The following NONO variants were observed in gnomAD, a reference collection of about 807,000 sequenced individuals.
The protein encoded by NONO is non-POU domain-containing octamer-binding protein.
A neutral mutation model predicts 40.2 loss-of-function variants in NONO; 6 were observed. That is an observed-to-expected ratio of 0.15 (90% CI 0.08 to 0.29). The LOEUF (loss-of-function observed/expected upper bound fraction) is 0.29. Ranked by LOEUF, NONO falls within the 10% of genes least tolerant of loss-of-function variation. NONO has a pLI of 1.00. For synonymous variants in NONO, 89 were observed against 123.3 expected (o/e 0.72, Z 1.85); for missense variants, 133 against 397.8 (o/e 0.33, Z 5.66).
At chrX:71,286,011 G>A (rs2031180401) in intron 2 of NONO, among the ~76,000 whole-genome samples, 1 of 111,711 alleles carries the variant, frequency 9.0e-6, no homozygotes, top group Admixed American at 9.5e-5. Flanking sequence ...TGACTAGAAG[G>A]ATATACCAAC....
intron 9 of NONO, 25 bp from the exon 10 acceptor site, chrX:71,298,444 G>A (rs2031500737): frequency 3.0e-5 from 36 of 1,196,540 alleles, no homozygotes; most frequent in Non-Finnish European, 4.0e-5. Flanking sequence ...GTCTTGGACT[G>A]TCTTGAGTAT....
chrX:71,286,438 A>G (rs1210661635), intron 2 of NONO, among the ~76,000 whole-genome samples: 2 of 111,679 alleles, frequency 1.8e-5, no homozygotes, highest in African/African-American at 6.5e-5. Flanking sequence ...TCACTAATCC[A>G]CTGTAACCAT....
At chrX:71,292,762 G>A (rs981659725) in intron 4 of NONO, 1 of 111,942 alleles carries the variant, frequency 8.9e-6, no homozygotes, top group Non-Finnish European at 1.9e-5. Flanking sequence ...AACGCACCAC[G>A]GTGCCTGGTT....
intron 4 of NONO, among the ~76,000 whole-genome samples, chrX:71,293,323 G>A (rs1012281757): frequency 1.8e-5 from 2 of 111,795 alleles, no homozygotes; most frequent in African/African-American, 6.5e-5. Context: ...GCTCATGCCT[G>A]TAATCCCAGC....
intron 2 of NONO, among the ~76,000 whole-genome samples, chrX:71,288,117 A>ATTTTTTTTT (rs2031239914): frequency 4.6e-5 from 1 of 21,708 alleles, no homozygotes; most frequent in Non-Finnish European, 8.5e-5. Flanking sequence ...TATTATTTTT[A>ATTTTTTTTT]TCTTTTTTTT....
chrX:71,291,761 CTG>C lies in NONO; in HGVS notation c.155-12_155-11del. The stretch of plus-strand genomic sequence containing the variant: ...TCTATTTCCCCAGTCTTTTAAGTGA[CTG>C]TGTGTCTTCTCTCAGATGAAGGCTT... On this transcript the variant is annotated splice_polypyrimidine_tract_variant and intron_variant, in intron 3 of 11. Coordinates refer to ENST00000276079, the MANE Select transcript of NONO (RefSeq NM_007363.5). 8.8e-7 allele frequency: 1 copy of C among 1,139,562 alleles called. No individual in the cohort carries two copies. Among genetic ancestry groups the C allele is most frequent in the Non-Finnish European group, 1.2e-6 (1 of 854,810 alleles). The allele number at this position is 1,139,562 out of a possible 1,213,427, so 93.9% of individuals were successfully genotyped here.
rs2031371751 is a variant in NONO at position 71,293,596 on chromosome X, A to G, written c.349-631A>G. 3.7e-5 allele frequency among the ~76,000 whole-genome samples: 4 copies of G among 109,363 alleles called. No homozygotes were observed. The South Asian group carries it at 1.2e-3, about 33-fold the overall frequency. 95.0% of individuals were successfully genotyped at this position (109,363 alleles called of 115,157 possible). ...AGACTCCGTCTCGAAAAAAAAAACT[A>G]AAATATTCTAGGTGGTTTTAGGGTG... On this transcript the variant is annotated intron_variant, in intron 4 of 11. Transcript: ENST00000276079.
At position 71,300,212 on chromosome X, in the gene NONO, A is replaced by T; in HGVS notation, c.*136A>T. ...CCCTGCCTGTACTACTCTAGGGAGT[A>T]TGCTGGAGGCAGAGGGCAAGGGAGG... On this transcript the variant is annotated 3_prime_UTR_variant, in exon 12 of 12. Coordinates refer to ENST00000276079, the MANE Select transcript of NONO (RefSeq NM_007363.5). 1 of 738,385 alleles carries T rather than the reference A, an allele frequency of 1.4e-6. No homozygotes were observed. Among genetic ancestry groups the T allele is most frequent in the Non-Finnish European group, 2.0e-6 (1 of 490,172 alleles). 60.9% of individuals were successfully genotyped at this position (738,385 alleles called of 1,213,427 possible).
chrX:71,287,333 G>A (rs772522830), intron 2 of NONO, among the ~76,000 whole-genome samples: 13 of 108,605 alleles, frequency 1.2e-4, no homozygotes, highest in African/African-American at 4.4e-4. Context: ...CACCCTCCTC[G>A]GCCTCCCAAA....
At position 71,300,741 on chromosome X, in the gene NONO, A is replaced by T. The variant is rs1304688621; in HGVS notation, c.*665A>T. ...TCACTCCCAGGTGAGAATTCAGGCA[A>T]ACGTCCACAAAGGTCACAGGCAGCG... On this transcript the variant is annotated 3_prime_UTR_variant, in exon 12 of 12. Transcript: ENST00000276079. The T allele has an allele frequency of 2.3e-5, 4 of 174,470 alleles. No homozygotes were observed. Among genetic ancestry groups the T allele is most frequent in the African/African-American group, 8.9e-5 (3 of 33,533 alleles). 14.4% of individuals were successfully genotyped at this position (174,470 alleles called of 1,213,427 possible).
rs1187056675 is a variant in NONO at position 71,297,929 on chromosome X, C to T, written c.1122C>T (p.Phe374=). The T allele has an allele frequency of 8.5e-7, 1 of 1,174,239 alleles. No individual in the cohort carries two copies. Residue 374 remains phenylalanine (F), a synonymous_variant, in exon 9 of 12, where the codon TTC becomes TTT. Transcript: ENST00000276079. ...AGCAGGAAGGATTCAAGGGAACCTT[C>T]CCTGATGCGGTATATCTCCCATGTG... is the stretch of plus-strand genomic sequence containing the variant. ...RRQQEGFKGT[F]PDAREQEIRM...
intron 5 of NONO, among the ~76,000 whole-genome samples, chrX:71,295,867 G>A (rs950681612): frequency 2.7e-5 from 3 of 111,986 alleles, no homozygotes; most frequent in Admixed American, 9.5e-5. Flanking sequence ...GTGGGATGAC[G>A]ATTATGAAAA....
chrX:71,295,684 G>C, intron 5 of NONO, among the ~76,000 whole-genome samples: 1 of 106,103 alleles, frequency 9.4e-6, no homozygotes. Flanking sequence ...CCAGCTACTC[G>C]GGAGGCTGAG....
chrX:71,298,351 C>A, intron 9 of NONO, 118 bp from the exon 10 acceptor site: 1 of 641,316 alleles, frequency 1.6e-6, no homozygotes, highest in South Asian at 2.3e-5. Context: ...CCTCAGCTTT[C>A]TCAGTGCTGT....
chrX:71,287,094 TTTTTGAGACAGACTCTCAC>T (rs1253449283), intron 2 of NONO, among the ~76,000 whole-genome samples: 6 of 112,417 alleles, frequency 5.3e-5, no homozygotes, highest in African/African-American at 1.9e-4. Context: ...TTATAATTAT[TTTTTGAGACAGACTCTCAC>T]TTTGTTGCCC....
At position 71,284,555 on chromosome X, in the gene NONO, T is replaced by C. The variant is rs756163942; in HGVS notation, c.-10+102T>C. 3 of 111,934 alleles carry C rather than the reference T, an allele frequency of 2.7e-5. No individual in the cohort carries two copies. In the South Asian group the frequency reaches 1.1e-3, roughly 41 times the overall value. The allele number at this position is 111,934 out of a possible 1,213,427, so 9.2% of individuals were successfully genotyped here. A position where few individuals can be genotyped will look rare whatever the true frequency, so the allele number is the denominator to read the frequency against. On this transcript the variant is annotated intron_variant, in intron 2 of 11. Transcript: ENST00000276079. ...CAATTATTTTTAAGTATATGTTGCA[T>C]AGTTTTCAATTAAATTTCAAATTTA...
chrX:71,288,080 A>T (rs1337924786), intron 2 of NONO, among the ~76,000 whole-genome samples: 3 of 54,333 alleles, frequency 5.5e-5, no homozygotes, highest in Admixed American at 2.1e-4. Flanking sequence ...TCTTATGTTG[A>T]TTTTTAAATG....
chrX:71,291,780 T>G lies in NONO; in HGVS notation c.156T>G (p.Asn52Lys). ...PANGQQASSQ[N>K]EGLTIDLKNF... Reference sequence around the variant, plus strand: ...AAGTGACTGTGTGTCTTCTCTCAGATGAAGGCTTGACTATTGACCTGAAGA... The same window carrying G: ...AAGTGACTGTGTGTCTTCTCTCAGAGGAAGGCTTGACTATTGACCTGAAGA... The change falls in exon 4 of 12, where the codon AAT becomes AAG. Residue 52 changes from asparagine (N) to lysine (K), a missense_variant and splice_region_variant. Physicochemically the swap from Asn to Lys is moderately conservative, Grantham distance 94 (BLOSUM62 0). Around this residue, in one of 3 missense-constraint regions of NONO, gnomAD observed 32 missense variants for 206.0 expected, o/e 0.16. Coordinates refer to ENST00000276079, the MANE Select transcript of NONO (RefSeq NM_007363.5). 1.7e-6 allele frequency: 2 copies of G among 1,172,346 alleles called. No individual in the cohort carries two copies. The highest frequency in any genetic ancestry group is 2.4e-4 in the Middle Eastern group (1 of 4,105).
At chrX:71,286,729 G>A (rs1042531643) in intron 2 of NONO, among the ~76,000 whole-genome samples, 1 of 111,321 alleles carries the variant, frequency 9.0e-6, no homozygotes, top group African/African-American at 3.3e-5. Context: ...CCCTAATTTT[G>A]GAAATTTAAG....
Sources: allele counts gnomAD v4.1 joint callset (sites outside exome capture counted in the v4.1 genomes callset), GRCh38; gene constraint gnomAD v4.1.1; regional missense constraint gnomAD v4.1.1; transcripts MANE v1.5; gene names NCBI Gene and HGNC (gene_info 2026-07-23, HGNC 2026-07-21).